Variants in XIRP2 observed in about 807,000 individuals in gnomAD.
XIRP2 encodes the protein xin actin binding repeat containing 2.
XIRP2 carries 236 observed loss-of-function variants against 277.0 expected under a neutral mutation model. That is an observed-to-expected ratio of 0.85 (90% CI 0.77 to 0.95). The LOEUF (loss-of-function observed/expected upper bound fraction) is 0.95, where lower values mean the gene tolerates loss of function less well. Among genes scored for constraint, XIRP2 ranks in the 40% least tolerant of loss-of-function variants. The pLI, the probability that XIRP2 is intolerant of heterozygous loss-of-function variation, is 0.00. For synonymous variants in XIRP2, 1,490 were observed against 1,416.5 expected, an observed-to-expected ratio of 1.05 and a Z score of -1.17; for missense variants, 4,640 against 4,157.5, an observed-to-expected ratio of 1.12 and a Z score of -3.19.
rs765795070 is a variant in XIRP2 at position 167,251,290 on chromosome 2, G to A, written c.9898G>A (p.Ala3300Thr). The A allele has an allele frequency of 3.1e-6, 5 of 1,613,620 alleles. No homozygotes were observed. The Admixed American group carries it at 8.3e-5, about 27-fold the overall frequency. ...TGCAGTTGAAATCATCCGCAAGGTT[G>A]CAGTGCCTCCTCGCCTGTCAGAGCA... The part of the protein sequence containing the change: ...YDAVEIIRKV[A>T]VPPRLSEHTQ... The change falls in exon 9 of 11, where the codon GCA becomes ACA. Residue 3300 changes from alanine to threonine, a missense_variant. Ala to Thr is a moderately conservative substitution (Grantham distance 58). Coordinates refer to ENST00000409195, the MANE Select transcript of XIRP2 (RefSeq NM_152381.6).
chr2:167,172,796 A>G (rs1055509323), intron 3 of XIRP2, among the ~76,000 whole-genome samples: 2 of 152,186 alleles, frequency 1.3e-5, no homozygotes, highest in South Asian at 4.1e-4. Flanking sequence ...AGTTAATGCA[A>G]TCATCACAGG....
chr2:167,069,750 C>T (rs1359228196), intron 2 of XIRP2, among the ~76,000 whole-genome samples: 1 of 152,150 alleles, frequency 6.6e-6, no homozygotes, highest in African/African-American at 2.4e-5. Context: ...GGGATAAGCA[C>T]ACAAAAGCCA....
Position 167,250,462 on chromosome 2 carries a change from G to C in XIRP2, c.9070G>C (p.Val3024Leu). 1 of 1,613,320 alleles carries C rather than the reference G, an allele frequency of 6.2e-7. No homozygotes were observed. The highest frequency in any genetic ancestry group is 8.5e-7 in the Non-Finnish European group (1 of 1,179,648). The change falls in exon 9 of 11, where the codon GTG becomes CTG. Residue 3024 changes from valine (V) to leucine (L), a missense_variant. By Grantham distance (32) the Val-to-Leu change is conservative. Coordinates refer to ENST00000409195, the MANE Select transcript of XIRP2 (RefSeq NM_152381.6). The part of the protein sequence containing the change: ...HIKTQAEDML[V>L]SYENIIQTAM... ...TAAAACTCAAGCGGAAGATATGCTT[G>C]TGTCCTATGAAAATATAATTCAGAC... is the stretch of plus-strand genomic sequence containing the variant.
chr2:167,196,243 A>T (rs561109686), intron 3 of XIRP2, among the ~76,000 whole-genome samples: 1 of 152,320 alleles, frequency 6.6e-6, no homozygotes, highest in East Asian at 1.9e-4. Flanking sequence ...GCCATGTTAC[A>T]TTTTAAAAGT....
chr2:167,215,724 C>T (rs192704755), intron 4 of XIRP2, among the ~76,000 whole-genome samples: 2 of 152,168 alleles, frequency 1.3e-5, no homozygotes, highest in Admixed American at 1.3e-4. Flanking sequence ...TGCAAGCAGA[C>T]CTAGAATCTT....
chr2:167,193,309 C>T (rs939383664), intron 3 of XIRP2, among the ~76,000 whole-genome samples: 1 of 152,162 alleles, frequency 6.6e-6, no homozygotes, highest in African/African-American at 2.4e-5. Context: ...GCCAACCAGT[C>T]ACAGCTTCTT....
intron 2 of XIRP2, among the ~76,000 whole-genome samples, chr2:166,946,084 T>C (rs1685855152): frequency 6.6e-6 from 1 of 152,140 alleles, no homozygotes; most frequent in Non-Finnish European, 1.5e-5. Context: ...GTCAAAACTC[T>C]CACAGATGAG....
At chr2:167,003,248 G>A (rs920492861) in intron 2 of XIRP2, among the ~76,000 whole-genome samples, 3 of 151,710 alleles carry the variant, frequency 2.0e-5, no homozygotes, top group Non-Finnish European at 4.4e-5. Flanking sequence ...GATAAAAAAT[G>A]AGAACCCTTC....
At chr2:167,212,474 CAT>C (rs1694078427) in intron 4 of XIRP2, among the ~76,000 whole-genome samples, 1 of 152,118 alleles carries the variant, frequency 6.6e-6, no homozygotes. Flanking sequence ...ACATTGGACA[CAT>C]AGGGAAATTA....
At chr2:167,196,109 A>T (rs1489672607) in intron 3 of XIRP2, among the ~76,000 whole-genome samples, 1 of 151,906 alleles carries the variant, frequency 6.6e-6, no homozygotes, top group Non-Finnish European at 1.5e-5. Flanking sequence ...TCATTTATTC[A>T]CCTTTAACTG....
intron 5 of XIRP2, among the ~76,000 whole-genome samples, chr2:167,236,767 A>G (rs1216110743): frequency 1.3e-5 from 2 of 152,040 alleles, no homozygotes; most frequent in Non-Finnish European, 2.9e-5. Context: ...ATTTTCAGCA[A>G]CCAATTTTAT....
At chr2:166,950,613 T>G (rs1340161504) in intron 2 of XIRP2, among the ~76,000 whole-genome samples, 1 of 152,098 alleles carries the variant, frequency 6.6e-6, no homozygotes, top group African/African-American at 2.4e-5. Flanking sequence ...AAAGGCATGT[T>G]TTACACTACA....
At chr2:167,179,378 T>A (rs372163006) in intron 3 of XIRP2, among the ~76,000 whole-genome samples, 1 of 150,496 alleles carries the variant, frequency 6.6e-6, no homozygotes, top group Non-Finnish European at 1.5e-5. Context: ...TGGAGTGCAA[T>A]GGCGCCATCT....
chr2:167,022,897 T>A lies in XIRP2; in HGVS notation c.409-113012T>A, dbSNP rs573427540. ...GGTTCCAAGTCTTTGCTATTGTGAA[T>A]AGTGCCGCAATAAACATATGTGTGC... On this transcript the variant is annotated intron_variant, in intron 2 of 10. Transcript: ENST00000409195. Among the ~76,000 whole-genome samples, 3 of 152,306 alleles carry A rather than the reference T, an allele frequency of 2.0e-5. No individual in the cohort carries two copies. In the South Asian group the frequency reaches 6.2e-4, roughly 32 times the overall value.
At chr2:166,996,965 C>G (rs76298013) in intron 2 of XIRP2, among the ~76,000 whole-genome samples, 5 of 152,032 alleles carry the variant, frequency 3.3e-5, no homozygotes, top group African/African-American at 9.7e-5. Flanking sequence ...ACATTTACAC[C>G]TTAATAAAGA....
intron 2 of XIRP2, among the ~76,000 whole-genome samples, chr2:167,099,245 T>C (rs1295002282): frequency 6.6e-6 from 1 of 152,262 alleles, no homozygotes; most frequent in Non-Finnish European, 1.5e-5. Flanking sequence ...CTACAGTAGC[T>C]TTGCCTAGTT....
chr2:167,154,983 C>G (rs1453470602), intron 3 of XIRP2, among the ~76,000 whole-genome samples: 1 of 151,674 alleles, frequency 6.6e-6, no homozygotes, highest in Non-Finnish European at 1.5e-5. Flanking sequence ...CGCAAATAAA[C>G]TAGAAAATCT....
chr2:167,177,586 A>C (rs1333522120), intron 3 of XIRP2, among the ~76,000 whole-genome samples: 1 of 152,230 alleles, frequency 6.6e-6, no homozygotes, highest in African/African-American at 2.4e-5. Context: ...TTTTGCCCTT[A>C]TGAGAAAGAT....
chr2:167,010,787 TC>T (rs1403966522), intron 2 of XIRP2, among the ~76,000 whole-genome samples: 3 of 152,092 alleles, frequency 2.0e-5, no homozygotes, highest in Non-Finnish European at 4.4e-5. Flanking sequence ...GTCCTTCACG[TC>T]CCTTGTAAGT....
Sources: gnomAD v4.1 joint callset for allele counts (sites outside exome capture counted in the v4.1 genomes callset) on GRCh38, gnomAD v4.1.1 for gene constraint, MANE v1.5 for transcripts, NCBI Gene and HGNC (gene_info 2026-07-23, HGNC 2026-07-21) for gene names.